Variants in CARD14 observed in about 807,000 individuals in gnomAD.
CARD14 encodes caspase recruitment domain family member 14.
Under a neutral mutation model 111.5 loss-of-function variants are expected in CARD14, and 107 were observed. The ratio of observed to expected loss-of-function variants is 0.96; its 90% CI spans 0.82 to 1.13. CARD14 has a LOEUF of 1.13. Ranked by LOEUF, CARD14 falls within the 50% of genes most tolerant of loss-of-function variation. The pLI is 0.00. For missense variants in CARD14, 1,322 were observed against 1,362.3 expected (o/e 0.97, Z 0.47); for synonymous variants, 617 against 579.6 (o/e 1.06, Z -0.93).
intron 18 of CARD14, chr17:80,202,679 C>A: frequency 8.2e-7 from 1 of 1,215,754 alleles, no homozygotes; most frequent in Non-Finnish European, 1.1e-6. Flanking sequence ...GCTTTGGTAC[C>A]ATGGACGTTT....
chr17:80,191,064 G>C (rs1325743182), intron 10 of CARD14, among the ~76,000 whole-genome samples, 165 bp downstream of exon 10: 1 of 152,204 alleles, frequency 6.6e-6, no homozygotes, highest in Non-Finnish European at 1.5e-5. Flanking sequence ...CTCCAGGCCT[G>C]TTGTCCACAT....
intron 19 of CARD14, 121 bp downstream of exon 19, chr17:80,204,006 C>A (rs2289540): frequency 1.1e-5 from 10 of 871,898 alleles, no homozygotes; most frequent in Non-Finnish European, 8.9e-6. Flanking sequence ...GTAACCCCAC[C>A]TGTCTCTCCT....
At chr17:80,185,934 C>T (rs4889992) in intron 7 of CARD14, among the ~76,000 whole-genome samples, 15,420 of 152,342 alleles carry the variant, frequency 0.1, 860 homozygotes, top group South Asian at 0.17. Context: ...GAGGTCCTGT[C>T]GCCCCTCACA....
chr17:80,200,275 C>T (rs556370740), intron 16 of CARD14, among the ~76,000 whole-genome samples: 14 of 120,278 alleles, frequency 1.2e-4, no homozygotes, highest in East Asian at 2.6e-4. Context: ...CTTGCTCTGT[C>T]GCCCAGGCTG....
intron 2 of CARD14, among the ~76,000 whole-genome samples, chr17:80,176,632 G>C (rs1004746626): frequency 4.6e-5 from 7 of 152,190 alleles, no homozygotes; most frequent in African/African-American, 1.7e-4. Flanking sequence ...CAGGGGGCCT[G>C]AAGACCCCTC....
chr17:80,198,866 T>C lies in CARD14; in HGVS notation c.1851+275T>C, dbSNP rs1247385935. On this transcript the variant is annotated intron_variant, in intron 16 of 23. Transcript: ENST00000648509. The surrounding 1 kb of genome is among the most constrained non-coding windows in gnomAD (Gnocchi z 7.5). ...GGCCCCTTGACAGGGCTGCTCTGGG[T>C]GGTCACTTTGGGTGTGTACAGTAAA... 6.9e-7 allele frequency: 1 copy of C among 1,447,604 alleles called. No individual in the cohort carries two copies. The highest frequency in any genetic ancestry group is 1.5e-5 in the South Asian group (1 of 65,030). The allele number at this position is 1,447,604 out of a possible 1,614,324, so 89.7% of individuals were successfully genotyped here.
chr17:80,190,818 T>A lies in CARD14; in HGVS notation c.1008T>A (p.Ser336Arg). 6.2e-7 allele frequency: 1 copy of A among 1,613,658 alleles called. No homozygotes were observed. The part of the protein sequence containing the change: ...KEQTLLQFQK[S>R]KMACQLYREK... ...AGACCCTGCTGCAGTTCCAGAAGAG[T>A]AAGATGGCCTGCCAACTCTACAGGG... The change falls in exon 10 of 24, where the codon AGT becomes AGA. Residue 336 changes from serine to arginine, a missense_variant. Ser to Arg is a moderately radical substitution (Grantham distance 110, BLOSUM62 -1). Transcript: ENST00000648509.
chr17:80,207,149 C>T (rs1364476796), intron 23 of CARD14, 64 bp downstream of exon 23: 23 of 1,159,434 alleles, frequency 2.0e-5, no homozygotes, highest in Admixed American at 7.2e-5. Flanking sequence ...CCAAAGCCCA[C>T]GGCAGGTGCC....
intron 7 of CARD14, among the ~76,000 whole-genome samples, chr17:80,185,951 G>A (rs899526637): frequency 2.0e-5 from 3 of 152,274 alleles, no homozygotes; most frequent in Non-Finnish European, 4.4e-5. Context: ...CACAGGGGAC[G>A]TCACACCGTC....
At chr17:80,171,798 C>G (rs2039909323) in intron 1 of CARD14, among the ~76,000 whole-genome samples, 2 of 152,200 alleles carry the variant, frequency 1.3e-5, no homozygotes, top group African/African-American at 4.8e-5. Context: ...GCTGCCCTGG[C>G]TTTCTGAGTT....
intron 2 of CARD14, among the ~76,000 whole-genome samples, chr17:80,175,926 G>A (rs905819478): frequency 6.8e-6 from 1 of 147,356 alleles, no homozygotes; most frequent in African/African-American, 2.5e-5. Context: ...AGGAGGCAGG[G>A]TGGGATTGCC....
chr17:80,197,798 A>G (rs1333599579), intron 14 of CARD14, among the ~76,000 whole-genome samples: 1 of 152,246 alleles, frequency 6.6e-6, no homozygotes, highest in Non-Finnish European at 1.5e-5. Flanking sequence ...TGTGGTGGTC[A>G]GACCCTCCCA....
chr17:80,202,382 G>C lies in CARD14; in HGVS notation c.2181G>C (p.Lys727Asn). The C allele has an allele frequency of 6.2e-7, 1 of 1,613,196 alleles. No homozygotes were observed. Among genetic ancestry groups the C allele is most frequent in the Non-Finnish European group, 8.5e-7 (1 of 1,180,014 alleles). ...ACCGCGTGAACTCTTACACCATGAA[G>C]GATACTGCCGCGCACGGCACCATCC... ...HAHRVNSYTM[K>N]DTAAHGTIPN... Residue 727 changes from lysine (K) to asparagine (N), a missense_variant, in exon 18 of 24, where the codon AAG (lysine) becomes AAC (asparagine). Coordinates refer to ENST00000648509, the MANE Select transcript of CARD14 (RefSeq NM_001366385.1).
intron 12 of CARD14, among the ~76,000 whole-genome samples, chr17:80,193,430 A>AGT (rs1555613326): frequency 1.4e-5 from 2 of 143,286 alleles, no homozygotes; most frequent in East Asian, 2.1e-4. Flanking sequence ...GGTCCCTGGG[A>AGT]TGCCGGCCTC....
In CARD14 at chr17:80,185,913, C is replaced by T. The variant is rs550137890; in HGVS notation, c.675+1675C>T. Among the ~76,000 whole-genome samples the T allele has an allele frequency of 6.6e-5, 10 of 152,368 alleles. 1 individual carries two copies. In the South Asian group the frequency reaches 1.7e-3, roughly 25 times the overall value. ...GCTGGCCTGACTCAGGGCATCTCCT[C>T]GAGGGCTCTCGAGGTCCTGTCGCCC... is the stretch of plus-strand genomic sequence containing the variant. On this transcript the variant is annotated intron_variant, in intron 7 of 23. Transcript: ENST00000648509.
At chr17:80,170,116 G>A (rs950645979) in intron 1 of CARD14, 60 bp downstream of exon 1, 6 of 152,356 alleles carry the variant, frequency 3.9e-5, no homozygotes, top group South Asian at 4.1e-4. Flanking sequence ...CTCAGCCTAC[G>A]GAGGGGCTCA....
chr17:80,204,665 G>A, intron 20 of CARD14: 1 of 386,682 alleles, frequency 2.6e-6, no homozygotes, highest in South Asian at 5.4e-5. Flanking sequence ...ACAGGACAGA[G>A]GGAGGGCTAG....
chr17:80,172,740 A>G (rs1295745272), intron 1 of CARD14, among the ~76,000 whole-genome samples, 166 bp from the exon 2 acceptor site: 2 of 152,220 alleles, frequency 1.3e-5, no homozygotes, highest in East Asian at 3.9e-4. Flanking sequence ...CTAGGACCCC[A>G]GTGTTCTGTG....
chr17:80,202,187 G>A lies in CARD14; in HGVS notation c.1986G>A (p.Lys662=), dbSNP rs1425514742. Residue 662 remains lysine, a synonymous_variant, in exon 18 of 24, where the codon AAG becomes AAA. Transcript: ENST00000648509. Reference sequence around the variant, plus strand: ...CATGTCCCCTTTTATCAGGTTATAAGAGGCTACTCCAGGACCTGGAGGCCA... The same window carrying A: ...CATGTCCCCTTTTATCAGGTTATAAAAGGCTACTCCAGGACCTGGAGGCCA... ...LSVKVNTDGY[K]RLLQDLEAKV... 6.2e-7 allele frequency: 1 copy of A among 1,613,396 alleles called. No homozygotes were observed. Among genetic ancestry groups the A allele is most frequent in the Admixed American group, 1.7e-5 (1 of 60,000 alleles).
Sources: gnomAD v4.1 joint callset for allele counts (sites outside exome capture counted in the v4.1 genomes callset) on GRCh38, gnomAD v4.1.1 for gene constraint, Gnocchi (gnomAD v3.1) non-coding constraint, MANE v1.5 for transcripts, NCBI Gene and HGNC (gene_info 2026-07-23, HGNC 2026-07-21) for gene names.